BCAS3: variants seen among roughly 807,000 people sequenced by gnomAD.
BCAS3 encodes BCAS3 microtubule associated cell migration factor.
BCAS3 carries 53 observed loss-of-function variants against 116.1 expected under a neutral mutation model. The ratio of observed to expected loss-of-function variants is 0.46; its 90% CI spans 0.37 to 0.57. The LOEUF (loss-of-function observed/expected upper bound fraction) is 0.57. Ranked by LOEUF, BCAS3 falls within the 20% of genes least tolerant of loss-of-function variation. The pLI, the probability that BCAS3 is intolerant of heterozygous loss-of-function variation, is 0.00. For missense variants in BCAS3, 917 were observed against 1,165.4 expected, an observed-to-expected ratio of 0.79 and a Z score of 3.10; for synonymous variants, 391 against 408.2, an observed-to-expected ratio of 0.96 and a Z score of 0.51.
intron 22 of BCAS3, among the ~76,000 whole-genome samples, chr17:61,263,865 G>A (rs1325693304): frequency 1.3e-5 from 2 of 152,198 alleles, no homozygotes; most frequent in African/African-American, 4.8e-5. Flanking sequence ...TCAGTAAATT[G>A]TGCTGCGACA....
At chr17:60,978,694 G>A (rs1291834144) in intron 14 of BCAS3, among the ~76,000 whole-genome samples, 1 of 152,076 alleles carries the variant, frequency 6.6e-6, no homozygotes, top group African/African-American at 2.4e-5. Context: ...GTGCAAGGAA[G>A]GGATCCAGTT....
intron 22 of BCAS3, among the ~76,000 whole-genome samples, chr17:61,298,713 T>C (rs1281209772): frequency 6.6e-6 from 1 of 151,918 alleles, no homozygotes; most frequent in African/African-American, 2.4e-5. Flanking sequence ...TCAGTCATCC[T>C]TCTCACCCTT....
rs763200053 is a variant in BCAS3, at chr17:61,198,219, C to A, written c.2425+113655C>A. Among the ~76,000 whole-genome samples the A allele has an allele frequency of 6.6e-6, 1 of 151,222 alleles. No individual in the cohort carries two copies. The highest frequency in any genetic ancestry group is 1.5e-5 in the Non-Finnish European group (1 of 67,942). On this transcript the variant is annotated intron_variant, in intron 22 of 23. Coordinates refer to ENST00000407086, the MANE Select transcript of BCAS3 (RefSeq NM_017679.5). This position sits in a 1 kb window ranked among gnomAD's most constrained non-coding sequence, Gnocchi z 5.0. ...GCAGTGGCCCAATCTCAGCTTACTGCAAGCTCCACCTCCCAGGTTCATGCC... is the reference window on the plus strand; with the variant it reads ...GCAGTGGCCCAATCTCAGCTTACTGAAAGCTCCACCTCCCAGGTTCATGCC...
At chr17:60,761,369 C>G (rs375725182) in intron 6 of BCAS3, among the ~76,000 whole-genome samples, 5 of 152,052 alleles carry the variant, frequency 3.3e-5, no homozygotes, top group East Asian at 1.9e-4. Context: ...CCCATGCCCC[C>G]ACTCCACGAC....
intron 22 of BCAS3, among the ~76,000 whole-genome samples, chr17:61,267,200 G>C (rs1226355959): frequency 6.8e-6 from 1 of 147,176 alleles, no homozygotes; most frequent in Non-Finnish European, 1.5e-5. Context: ...TGGGACTACA[G>C]GCATCTGCCA....
At chr17:61,322,525 G>A (rs1005135947) in intron 22 of BCAS3, among the ~76,000 whole-genome samples, 24 of 152,216 alleles carry the variant, frequency 1.6e-4, no homozygotes, top group African/African-American at 4.1e-4. Context: ...ACATTTCTTC[G>A]CCTCTGAGGC....
At chr17:60,955,624 TC>T (rs752579403) in intron 14 of BCAS3, among the ~76,000 whole-genome samples, 3 of 152,050 alleles carry the variant, frequency 2.0e-5, no homozygotes, top group African/African-American at 7.3e-5. Flanking sequence ...GACCTTGTGA[TC>T]CGCCCTCCTT....
chr17:61,345,416 A>G (rs903202514), intron 22 of BCAS3, among the ~76,000 whole-genome samples: 53 of 152,134 alleles, frequency 3.5e-4, no homozygotes, highest in African/African-American at 1.2e-3. Flanking sequence ...GTTTGCTGAG[A>G]ATGAGGAAAG....
chr17:61,105,350 G>A lies in BCAS3; in HGVS notation c.2425+20786G>A, dbSNP rs1241723549. On this transcript the variant is annotated intron_variant, in intron 22 of 23. Coordinates refer to ENST00000407086, the MANE Select transcript of BCAS3 (RefSeq NM_017679.5). The surrounding 1 kb of genome is among the most constrained non-coding windows in gnomAD (Gnocchi z 4.3). Reference sequence around the variant, plus strand: ...TTGTGAGGTTTTCAATAAAACTTAAGTGGAATGTGGCTAGAAAAGCAGACC... The same window carrying A: ...TTGTGAGGTTTTCAATAAAACTTAAATGGAATGTGGCTAGAAAAGCAGACC... Among the ~76,000 whole-genome samples the A allele has an allele frequency of 1.3e-5, 2 of 152,198 alleles. No individual in the cohort carries two copies. Among genetic ancestry groups the A allele is most frequent in the Non-Finnish European group, 2.9e-5 (2 of 68,036 alleles).
At chr17:61,294,296 A>G (rs11871010) in intron 22 of BCAS3, among the ~76,000 whole-genome samples, 17,362 of 152,138 alleles carry the variant, frequency 0.11, 1,181 homozygotes, top group South Asian at 0.24. Context: ...TAGTACTGTG[A>G]TGTCCCTACT....
At chr17:60,989,163 G>A (rs898563090) in intron 14 of BCAS3, among the ~76,000 whole-genome samples, 2 of 152,002 alleles carry the variant, frequency 1.3e-5, no homozygotes, top group African/African-American at 4.8e-5. Context: ...GTTTTAGGTG[G>A]TGGAAAATTA....
intron 1 of BCAS3, among the ~76,000 whole-genome samples, chr17:60,678,636 TACTTG>T (rs1488470785): frequency 2.0e-5 from 3 of 152,202 alleles, no homozygotes; most frequent in Admixed American, 6.5e-5. Flanking sequence ...GTCAAATAAT[TACTTG>T]ACTTATTTGT....
In BCAS3 at chr17:60,868,538, T is replaced by A. The variant is rs574345303; in HGVS notation, c.477-38T>A. The A allele has an allele frequency of 1.6e-4, 222 of 1,351,730 alleles. 1 individual carries two copies. In the South Asian group the frequency reaches 2.3e-3, roughly 14 times the overall value. 83.7% of individuals were successfully genotyped at this position (1,351,730 alleles called of 1,614,324 possible). On this transcript the variant is annotated intron_variant, in intron 7 of 23. Coordinates refer to ENST00000407086, the MANE Select transcript of BCAS3 (RefSeq NM_017679.5). Reference sequence around the variant, plus strand: ...ATAGAGATTATTGGTCTTTCTTTTTTAAAAAAATGACATTTTTCTTTCTTT... The same window carrying A: ...ATAGAGATTATTGGTCTTTCTTTTTAAAAAAAATGACATTTTTCTTTCTTT...
chr17:61,277,524 G>A (rs2050869491), intron 22 of BCAS3, among the ~76,000 whole-genome samples: 1 of 151,934 alleles, frequency 6.6e-6, no homozygotes, highest in Non-Finnish European at 1.5e-5. Context: ...AAAACATTCA[G>A]GCTTCTAAGA....
intron 23 of BCAS3, among the ~76,000 whole-genome samples, chr17:61,374,102 C>T (rs2059207203): frequency 6.6e-6 from 1 of 150,952 alleles, no homozygotes; most frequent in African/African-American, 2.4e-5. Flanking sequence ...AGGCATGAAC[C>T]GCAGTTCCTG....
At chr17:60,909,596 T>C (rs192460346) in intron 11 of BCAS3, among the ~76,000 whole-genome samples, 2 of 152,288 alleles carry the variant, frequency 1.3e-5, no homozygotes, top group East Asian at 3.9e-4. Context: ...GATACCCTTC[T>C]TCAGCAATGT....
chr17:61,111,727 T>C (rs2075106956), intron 22 of BCAS3, among the ~76,000 whole-genome samples: 1 of 129,614 alleles, frequency 7.7e-6, no homozygotes, highest in Non-Finnish European at 1.6e-5. Flanking sequence ...ATTCAGGAAA[T>C]ACAGAGAACA....
intron 22 of BCAS3, among the ~76,000 whole-genome samples, chr17:61,260,271 T>C (rs1418030375): frequency 6.6e-6 from 1 of 152,126 alleles, no homozygotes; most frequent in Non-Finnish European, 1.5e-5. Flanking sequence ...CATTACCCAA[T>C]ATGAAAACAG....
rs2065237904 is a variant in BCAS3 at position 61,013,442 on chromosome 17, A to G, written c.1487-2309A>G. Among the ~76,000 whole-genome samples, 3 of 152,104 alleles carry G rather than the reference A, an allele frequency of 2.0e-5. No homozygotes were observed. Among genetic ancestry groups the G allele is most frequent in the Admixed American group, 2.0e-4 (3 of 15,256 alleles). ...AGCGATTTTATAATTATTTACATCT[A>G]TATTGGCCTTGAGAGTGTGATAATA... On this transcript the variant is annotated intron_variant, in intron 15 of 23. Transcript: ENST00000407086. This position sits in a 1 kb window ranked among gnomAD's most constrained non-coding sequence, Gnocchi z 4.4.
Sources: gnomAD v4.1 joint callset for allele counts (sites outside exome capture counted in the v4.1 genomes callset) on GRCh38, gnomAD v4.1.1 for gene constraint, Gnocchi (gnomAD v3.1) non-coding constraint, MANE v1.5 for transcripts, NCBI Gene and HGNC (gene_info 2026-07-23, HGNC 2026-07-21) for gene names.